Variants in TMEFF2 observed in about 807,000 individuals in gnomAD.
The protein encoded by TMEFF2 is transmembrane protein with EGF like and two follistatin like domains 2.
Under a neutral mutation model 53.8 loss-of-function variants are expected in TMEFF2, and 28 were observed. The ratio of observed to expected loss-of-function variants is 0.52; its 90% CI spans 0.39 to 0.71. The LOEUF (loss-of-function observed/expected upper bound fraction) is 0.71, where lower values mean the gene tolerates loss of function less well. Among genes scored for constraint, TMEFF2 ranks in the 30% least tolerant of loss-of-function variants. The pLI is 0.00. For missense variants in TMEFF2, 353 were observed against 455.2 expected (o/e 0.78, Z 2.04); for synonymous variants, 162 against 166.3 (o/e 0.97, Z 0.20).
At chr2:192,136,723 C>T (rs981439048) in intron 4 of TMEFF2, among the ~76,000 whole-genome samples, 3 of 152,102 alleles carry the variant, frequency 2.0e-5, no homozygotes, top group Non-Finnish European at 4.4e-5. Context: ...TCTCCACACA[C>T]ATTTATGCCT....
chr2:192,033,041 A>G (rs999562195), intron 5 of TMEFF2, among the ~76,000 whole-genome samples: 2 of 152,188 alleles, frequency 1.3e-5, no homozygotes, highest in Non-Finnish European at 2.9e-5. Context: ...TTACAAACCC[A>G]AACAATTGGT....
chr2:192,075,332 T>TATATATATATATATATACAC (rs796267672), intron 4 of TMEFF2, among the ~76,000 whole-genome samples: 4 of 88,144 alleles, frequency 4.5e-5, no homozygotes, highest in African/African-American at 1.6e-4. Context: ...TATATATATA[T>TATATATATATATATATACAC]ACATACATAC....
At chr2:192,005,978 C>A (rs1686489588) in intron 5 of TMEFF2, among the ~76,000 whole-genome samples, 2 of 151,602 alleles carry the variant, frequency 1.3e-5, no homozygotes, top group Admixed American at 1.3e-4. Flanking sequence ...AAAAATTAAA[C>A]CCTGTATTCA....
chr2:192,114,430 ACT>A (rs1051085961), intron 4 of TMEFF2, among the ~76,000 whole-genome samples: 16 of 150,380 alleles, frequency 1.1e-4, no homozygotes, highest in African/African-American at 3.9e-4. Flanking sequence ...TCCATATAAC[ACT>A]GAGAGTCCTA....
chr2:192,187,926 G>A (rs1315230788), intron 2 of TMEFF2, among the ~76,000 whole-genome samples: 1 of 152,124 alleles, frequency 6.6e-6, no homozygotes, highest in Non-Finnish European at 1.5e-5. Context: ...TGAGATTTCA[G>A]CATCTAGAAG....
At chr2:192,002,492 TGAATAAGTG>T (rs1686389887) in intron 5 of TMEFF2, among the ~76,000 whole-genome samples, 1 of 150,746 alleles carries the variant, frequency 6.6e-6, no homozygotes, top group Non-Finnish European at 1.5e-5. Flanking sequence ...TTTTTTTTTG[TGAATAAGTG>T]GAAGAAACTT....
intron 4 of TMEFF2, among the ~76,000 whole-genome samples, chr2:192,095,105 G>GT (rs562930424): frequency 1.9e-3 from 288 of 151,992 alleles, no homozygotes; most frequent in African/African-American, 6.4e-3. Flanking sequence ...CCAATGACTA[G>GT]TTTTTTTTGC....
At chr2:192,139,475 C>T (rs1313327617) in intron 4 of TMEFF2, among the ~76,000 whole-genome samples, 4 of 152,114 alleles carry the variant, frequency 2.6e-5, no homozygotes, top group Non-Finnish European at 4.4e-5. Context: ...GCAGTCCAAA[C>T]ACTGATGAAT....
chr2:191,985,712 A>C (rs1282274069), intron 7 of TMEFF2, among the ~76,000 whole-genome samples: 1 of 152,222 alleles, frequency 6.6e-6, no homozygotes, highest in African/African-American at 2.4e-5. Context: ...TTTCAATACT[A>C]CAGTAATTAT....
At chr2:192,069,984 G>GTA (rs1688251797) in intron 4 of TMEFF2, among the ~76,000 whole-genome samples, 2 of 6,846 alleles carry the variant, frequency 2.9e-4, no homozygotes, top group East Asian at 0.016. Context: ...GTGTGTGTGT[G>GTA]TGTGTATATA....
intron 4 of TMEFF2, among the ~76,000 whole-genome samples, chr2:192,075,367 T>G (rs1688410135): frequency 7.2e-6 from 1 of 139,426 alleles, no homozygotes; most frequent in East Asian, 2.3e-4. Flanking sequence ...CAAAAGTGCT[T>G]TCTTTTCATG....
At chr2:192,068,904 T>C (rs7603225) in intron 4 of TMEFF2, among the ~76,000 whole-genome samples, 43,438 of 151,064 alleles carry the variant, frequency 0.29, 6,792 homozygotes, top group Non-Finnish European at 0.37. Flanking sequence ...TCGGTAGTTG[T>C]AGCAATAATT....
chr2:192,109,178 A>G lies in TMEFF2; in HGVS notation c.440-51403T>C, dbSNP rs138203108. Among the ~76,000 whole-genome samples, 4 of 152,218 alleles carry G rather than the reference A, an allele frequency of 2.6e-5. No individual in the cohort carries two copies. The East Asian group carries it at 7.7e-4, about 29-fold the overall frequency. On this transcript the variant is annotated intron_variant, in intron 4 of 9. Transcript: ENST00000272771. ...TAGTTAAAATGGCAAATTTTATGTC[A>G]TACGCATTTGTCCCCAGTAAATATA...
chr2:191,990,210 A>G (rs1216809051), intron 7 of TMEFF2, among the ~76,000 whole-genome samples: 4 of 152,184 alleles, frequency 2.6e-5, no homozygotes. Context: ...ACAACCATGA[A>G]ACAAATAGCT....
chr2:192,194,411 G>A lies in TMEFF2; in HGVS notation c.114C>T (p.Leu38=), dbSNP rs1384508175. 3 of 1,613,962 alleles carry A rather than the reference G, an allele frequency of 1.9e-6. No individual in the cohort carries two copies. In the African/African-American group the frequency reaches 4.0e-5, roughly 22 times the overall value. Residue 38 remains leucine (L), a synonymous_variant, in exon 1 of 10, where the codon CTC becomes CTT. Transcript: ENST00000272771. The surrounding 1 kb of genome is among the most constrained non-coding windows in gnomAD (Gnocchi z 4.2). ...CACTTAAGGAGGTAGGGAAAGCAGC[G>A]AGCTTCACCGGGCGGGCTACGATGA... ...MLLIVARPVK[L]AAFPTSLSDC... is the part of the protein sequence containing the mutation.
At chr2:191,969,354 G>GA (rs1692565677) in intron 7 of TMEFF2, among the ~76,000 whole-genome samples, 1 of 152,050 alleles carries the variant, frequency 6.6e-6, no homozygotes, top group Non-Finnish European at 1.5e-5. Flanking sequence ...CCACTTCAGT[G>GA]AAATGTCCAT....
At chr2:192,059,531 A>G (rs1361053024) in intron 4 of TMEFF2, among the ~76,000 whole-genome samples, 2 of 152,152 alleles carry the variant, frequency 1.3e-5, no homozygotes, top group African/African-American at 2.4e-5. Context: ...AAGATTAGCA[A>G]CTTCCAGACT....
chr2:192,004,923 G>A (rs181154890), intron 5 of TMEFF2, among the ~76,000 whole-genome samples: 17 of 152,218 alleles, frequency 1.1e-4, no homozygotes, highest in African/African-American at 3.6e-4. Flanking sequence ...ATGCCTTTAA[G>A]GTTTTTTGTG....
intron 4 of TMEFF2, among the ~76,000 whole-genome samples, chr2:192,171,326 A>G (rs1690907148): frequency 6.6e-6 from 1 of 152,048 alleles, no homozygotes; most frequent in African/African-American, 2.4e-5. Context: ...CAATGACAAC[A>G]AGAGAAAAGA....
Sources: gnomAD v4.1 joint callset for allele counts (sites outside exome capture counted in the v4.1 genomes callset) on GRCh38, gnomAD v4.1.1 for gene constraint, Gnocchi (gnomAD v3.1) non-coding constraint, MANE v1.5 for transcripts, NCBI Gene and HGNC (gene_info 2026-07-23, HGNC 2026-07-21) for gene names.